Variants in RERE observed in about 807,000 individuals in gnomAD.
RERE encodes arginine-glutamic acid dipeptide repeats protein.
In RERE, 40 loss-of-function variants were observed where a neutral mutation model predicts 146.1. The observed-to-expected ratio is 0.27, with a 90% CI of 0.21 to 0.36. The LOEUF is 0.36. Among genes scored for constraint, RERE ranks in the 10% least tolerant of loss-of-function variants. The pLI, the probability that RERE is intolerant of heterozygous loss-of-function variation, is 1.00. For missense variants in RERE, 1,933 were observed against 2,138.7 expected (o/e 0.90, Z 1.90); for synonymous variants, 1,003 against 866.0 (o/e 1.16, Z -2.78).
chr1:8,357,293 C>A (rs1346938606), intron 20 of RERE, among the ~76,000 whole-genome samples: 2 of 152,236 alleles, frequency 1.3e-5, no homozygotes, highest in Non-Finnish European at 2.9e-5. Context: ...CATACTGAGG[C>A]TTGTAAGGTC....
rs180895039 is a variant in RERE at position 8,734,736 on chromosome 1, T to C, written c.-144-78295A>G. On this transcript the variant is annotated intron_variant, in intron 1 of 22. Coordinates refer to ENST00000400908, the MANE Select transcript of RERE (RefSeq NM_001042681.2). ...TGTCAGCTATCATCATCATCTGCCA[T>C]TGCATCTCTCATAACCCAGACTATT... 5.1e-4 allele frequency among the ~76,000 whole-genome samples: 78 copies of C among 152,318 alleles called. 1 individual carries two copies. The East Asian group carries it at 0.011, about 21-fold the overall frequency.
intron 1 of RERE, among the ~76,000 whole-genome samples, chr1:8,657,306 C>CAAAAAAAAAA (rs1400489828): frequency 7.0e-5 from 1 of 14,232 alleles, no homozygotes. Context: ...GACTCCGTCT[C>CAAAAAAAAAA]AAAAAAAAAA....
chr1:8,422,869 C>CA, intron 11 of RERE, 62 bp from the exon 12 acceptor site: 1 of 1,175,280 alleles, frequency 8.5e-7, no homozygotes, highest in Non-Finnish European at 1.3e-6. Flanking sequence ...GTCAGCAAAG[C>CA]AAAGATATCT....
At chr1:8,398,652 G>C (rs1162225714) in intron 12 of RERE, among the ~76,000 whole-genome samples, 1 of 152,126 alleles carries the variant, frequency 6.6e-6, no homozygotes, top group Non-Finnish European at 1.5e-5. Context: ...CTCTAGTGTG[G>C]GGGAGGAGTC....
intron 1 of RERE, among the ~76,000 whole-genome samples, chr1:8,804,028 CT>C (rs1370938119): frequency 4.6e-5 from 7 of 152,192 alleles, no homozygotes; most frequent in Admixed American, 3.3e-4. Flanking sequence ...TTAATGAAAA[CT>C]TTTCTCAATA....
At chr1:8,422,120 G>C (rs1160591662) in intron 12 of RERE, among the ~76,000 whole-genome samples, 4 of 152,164 alleles carry the variant, frequency 2.6e-5, no homozygotes, top group Admixed American at 2.6e-4. Flanking sequence ...GGGCACATTT[G>C]TCAGCTCTGA....
intron 4 of RERE, among the ~76,000 whole-genome samples, chr1:8,564,801 T>G (rs551604360): frequency 6.7e-6 from 1 of 149,952 alleles, no homozygotes; most frequent in Non-Finnish European, 1.5e-5. Flanking sequence ...GAAAATGTGG[T>G]GTGTGTGTAT....
chr1:8,601,537 A>G (rs577812591), intron 4 of RERE, among the ~76,000 whole-genome samples: 2 of 151,116 alleles, frequency 1.3e-5, no homozygotes. Flanking sequence ...TATGCTGGTA[A>G]TTTGCCTTAA....
At chr1:8,402,162 C>T (rs532253653) in intron 12 of RERE, among the ~76,000 whole-genome samples, 7 of 152,310 alleles carry the variant, frequency 4.6e-5, no homozygotes, top group Admixed American at 1.3e-4. Context: ...CCGCTGCGCC[C>T]GGCCAACGCT....
chr1:8,614,494 A>G (rs1646828461), intron 4 of RERE, 67 bp downstream of exon 4: 1 of 1,471,680 alleles, frequency 6.8e-7, no homozygotes, highest in Non-Finnish European at 9.2e-7. Flanking sequence ...GAGGGAGGTA[A>G]TATTCCTATT....
At chr1:8,487,033 AAATTCCTT>A (rs1644911383) in intron 10 of RERE, among the ~76,000 whole-genome samples, 1 of 152,200 alleles carries the variant, frequency 6.6e-6, no homozygotes, top group Non-Finnish European at 1.5e-5. Flanking sequence ...CACAAATGTA[AAATTCCTT>A]AACAAATTAT....
At chr1:8,654,592 T>C (rs912872836) in intron 2 of RERE, among the ~76,000 whole-genome samples, 1 of 152,102 alleles carries the variant, frequency 6.6e-6, no homozygotes, top group Admixed American at 6.6e-5. Context: ...TGATTTCACC[T>C]AGGTTTTACT....
chr1:8,786,092 C>A, intron 1 of RERE: 1 of 430,276 alleles, frequency 2.3e-6, no homozygotes, highest in Non-Finnish European at 4.3e-6. Flanking sequence ...AGTCTGCCTG[C>A]TTCCACTCTG....
chr1:8,396,604 G>A (rs1025858229), intron 12 of RERE, among the ~76,000 whole-genome samples: 1 of 152,098 alleles, frequency 6.6e-6, no homozygotes, highest in Non-Finnish European at 1.5e-5. Flanking sequence ...AGTATTGCCC[G>A]CTTTGTAATT....
chr1:8,763,152 A>T (rs184603533), intron 1 of RERE, among the ~76,000 whole-genome samples: 2 of 152,336 alleles, frequency 1.3e-5, no homozygotes, highest in Admixed American at 1.3e-4. Flanking sequence ...TACCTCAGTA[A>T]AGTTACAACC....
At chr1:8,737,152 T>C (rs936912556) in intron 1 of RERE, among the ~76,000 whole-genome samples, 4 of 152,218 alleles carry the variant, frequency 2.6e-5, no homozygotes, top group African/African-American at 9.6e-5. Flanking sequence ...GCTGGACTGT[T>C]TCCTTTTTTT....
chr1:8,551,165 A>C (rs1019264754), intron 6 of RERE, among the ~76,000 whole-genome samples: 28 of 152,214 alleles, frequency 1.8e-4, no homozygotes, highest in African/African-American at 6.8e-4. Context: ...GAAGCAGGTA[A>C]TCAGAAAGCT....
At chr1:8,403,908 G>A (rs530680237) in intron 12 of RERE, among the ~76,000 whole-genome samples, 1 of 131,510 alleles carries the variant, frequency 7.6e-6, no homozygotes, top group South Asian at 2.5e-4. Context: ...TCGGCTCACT[G>A]CAACCTCCAT....
intron 4 of RERE, among the ~76,000 whole-genome samples, chr1:8,584,853 G>T (rs1400779022): frequency 6.6e-6 from 1 of 152,080 alleles, no homozygotes; most frequent in Non-Finnish European, 1.5e-5. Flanking sequence ...ATGAGATAAA[G>T]AAGTAATTAT....
Sources: allele counts gnomAD v4.1 joint callset (sites outside exome capture counted in the v4.1 genomes callset), GRCh38; gene constraint gnomAD v4.1.1; transcripts MANE v1.5; gene names NCBI Gene and HGNC (gene_info 2026-07-23, HGNC 2026-07-21).